The following CCDC171 variants were observed in gnomAD, a reference collection of about 807,000 sequenced individuals.
CCDC171 encodes coiled-coil domain-containing protein 171.
Under a neutral mutation model 168.2 loss-of-function variants are expected in CCDC171, and 177 were observed. The ratio of observed to expected loss-of-function variants is 1.05; its 90% confidence interval spans 0.93 to 1.19. The LOEUF is 1.19. Among genes scored for constraint, CCDC171 ranks in the 50% most tolerant of loss-of-function variants. The pLI, the probability that CCDC171 is intolerant of heterozygous loss-of-function variation, is 0.00. For synonymous variants in CCDC171, 687 were observed against 540.8 expected (o/e 1.27, Z -3.75); for missense variants, 1,991 against 1,539.0 (o/e 1.29, Z -4.91).
chr9:15,983,007 C>G (rs576988291), intron 3 of CCDC171, among the ~76,000 whole-genome samples: 1 of 152,244 alleles, frequency 6.6e-6, no homozygotes, highest in South Asian at 2.1e-4. Flanking sequence ...ACAAATAAAT[C>G]CCACTGAAAC....
At chr9:15,791,009 G>A (rs367742277) in intron 21 of CCDC171, among the ~76,000 whole-genome samples, 2 of 152,038 alleles carry the variant, frequency 1.3e-5, no homozygotes, top group East Asian at 1.9e-4. Flanking sequence ...GCCTTTTAGT[G>A]TAGTTTGAAG....
chr9:15,641,494 A>G (rs1421630039), intron 7 of CCDC171, among the ~76,000 whole-genome samples: 1 of 152,222 alleles, frequency 6.6e-6, no homozygotes, highest in African/African-American at 2.4e-5. Context: ...AACTTTTGGA[A>G]GAGGCCCATG....
chr9:15,639,984 T>G (rs1175710620), intron 7 of CCDC171, among the ~76,000 whole-genome samples: 2 of 152,194 alleles, frequency 1.3e-5, no homozygotes, highest in Non-Finnish European at 2.9e-5. Context: ...TCAGGACTCG[T>G]TTTGGCCTTT....
chr9:15,629,677 C>A (rs537220792), intron 7 of CCDC171, among the ~76,000 whole-genome samples: 1 of 152,050 alleles, frequency 6.6e-6, no homozygotes, highest in Non-Finnish European at 1.5e-5. Flanking sequence ...ATACAGAGAA[C>A]GCCACAAAGA....
chr9:16,074,862 C>T, the CCDC171 span, among the ~76,000 whole-genome samples: 51 of 152,328 alleles, frequency 3.3e-4, no homozygotes, highest in East Asian at 6.9e-3. Context: ...CACTGGGCCT[C>T]ATAAGCCCTG....
At chr9:15,635,192 C>T (rs972781993) in intron 7 of CCDC171, among the ~76,000 whole-genome samples, 5 of 152,110 alleles carry the variant, frequency 3.3e-5, no homozygotes. Context: ...AGCTGAGGAG[C>T]AAGGAAGTCA....
At chr9:15,754,657 C>T (rs767842883) in intron 18 of CCDC171, among the ~76,000 whole-genome samples, 1 of 152,122 alleles carries the variant, frequency 6.6e-6, no homozygotes, top group Non-Finnish European at 1.5e-5. Context: ...ACTTTGAATA[C>T]TGGTTCTGAC....
chr9:15,687,797 A>G (rs1340771748), intron 10 of CCDC171, among the ~76,000 whole-genome samples: 1 of 152,212 alleles, frequency 6.6e-6, no homozygotes, highest in Non-Finnish European at 1.5e-5. Flanking sequence ...ACTTTCTAGA[A>G]AGACACAAAT....
chr9:15,862,978 C>G (rs2061623119), intron 23 of CCDC171, among the ~76,000 whole-genome samples: 1 of 151,770 alleles, frequency 6.6e-6, no homozygotes, highest in African/African-American at 2.4e-5. Context: ...TTTCACTGGT[C>G]CTTTCTGTGC....
intron 3 of CCDC171, among the ~76,000 whole-genome samples, chr9:15,988,636 C>G (rs377738982): frequency 6.6e-6 from 1 of 152,220 alleles, no homozygotes; most frequent in African/African-American, 2.4e-5. Flanking sequence ...GAGGCATCGC[C>G]TCACCCGGGA....
chr9:16,099,063 A>G, the CCDC171 span, among the ~76,000 whole-genome samples: 3 of 152,340 alleles, frequency 2.0e-5, no homozygotes, highest in East Asian at 1.9e-4. Flanking sequence ...AAACTGGTCA[A>G]TATCAAATCC....
intron 23 of CCDC171, among the ~76,000 whole-genome samples, chr9:15,873,587 A>T (rs1257486508): frequency 2.0e-5 from 3 of 152,114 alleles, no homozygotes; most frequent in Non-Finnish European, 4.4e-5. Context: ...ATGCCTATGT[A>T]TTGAAAACTC....
At chr9:15,911,215 C>T (rs925030848) in intron 24 of CCDC171, among the ~76,000 whole-genome samples, 3 of 152,150 alleles carry the variant, frequency 2.0e-5, no homozygotes, top group Non-Finnish European at 4.4e-5. Flanking sequence ...GTGTTGTTTC[C>T]TGACTTTTTA....
rs1300958773 is a variant in CCDC171, at chr9:15,649,407, T to C, written c.823-7720T>C. 3.3e-5 allele frequency among the ~76,000 whole-genome samples: 5 copies of C among 152,178 alleles called. No homozygotes were observed. In the South Asian group the frequency reaches 8.3e-4, roughly 25 times the overall value. On this transcript the variant is annotated intron_variant, in intron 7 of 25. Transcript: ENST00000380701. ...GCCAAAATTGACAAATGGGATCTAA[T>C]TAAACTAAAGAGCTCCTGCACAGCA...
rs556819423 is a variant in CCDC171 at position 15,804,584 on chromosome 9, C to T, written c.3267+19890C>T. On this transcript the variant is annotated intron_variant, in intron 21 of 25. Coordinates refer to ENST00000380701, the MANE Select transcript of CCDC171 (RefSeq NM_173550.4). The stretch of plus-strand genomic sequence containing the variant: ...CAACCTTGCATCCTGGGGATGAAGC[C>T]TACATGTTTGTGGTGGATAAGCTTT... Among the ~76,000 whole-genome samples, 67 of 152,102 alleles carry T rather than the reference C, an allele frequency of 4.4e-4. 3 individuals carry two copies. The South Asian group carries it at 0.014, about 31-fold the overall frequency.
chr9:16,008,521 C>G (rs1422145823), intron 3 of CCDC171, among the ~76,000 whole-genome samples: 2 of 152,150 alleles, frequency 1.3e-5, no homozygotes, highest in African/African-American at 2.4e-5. Flanking sequence ...TTTCCCAAGT[C>G]TTTCTGAGAG....
chr9:15,687,574 A>G (rs1250683825), intron 10 of CCDC171, among the ~76,000 whole-genome samples: 1 of 152,218 alleles, frequency 6.6e-6, no homozygotes, highest in Non-Finnish European at 1.5e-5. Flanking sequence ...TTTAAAAAAT[A>G]GAGGAAATCA....
chr9:15,955,004 A>AT (rs550775997), intron 25 of CCDC171, among the ~76,000 whole-genome samples: 165 of 151,692 alleles, frequency 1.1e-3, no homozygotes, highest in Middle Eastern at 3.4e-3. Flanking sequence ...ATGCTTTGTG[A>AT]TTTTTTTTGC....
intron 6 of CCDC171, among the ~76,000 whole-genome samples, chr9:16,033,091 T>C (rs1249041239): frequency 6.6e-6 from 1 of 152,128 alleles, no homozygotes; most frequent in African/African-American, 2.4e-5. Context: ...GAACTGGAGC[T>C]GGACAAACAG....
Sources: gnomAD v4.1 joint callset for allele counts (sites outside exome capture counted in the v4.1 genomes callset) on GRCh38, gnomAD v4.1.1 for gene constraint, MANE v1.5 for transcripts, NCBI Gene and HGNC (gene_info 2026-07-23, HGNC 2026-07-21) for gene names.